The following SRGAP1 variants were observed in gnomAD, a reference collection of about 807,000 sequenced individuals.
SRGAP1 encodes SLIT-ROBO Rho GTPase-activating protein 1.
SRGAP1 carries 43 observed loss-of-function variants against 121.9 expected under a neutral mutation model. The ratio of observed to expected loss-of-function variants is 0.35; its 90% CI spans 0.28 to 0.46. The LOEUF is 0.46. Among genes scored for constraint, SRGAP1 ranks in the 20% least tolerant of loss-of-function variants. The pLI is 1.00. For missense variants in SRGAP1, 1,102 were observed against 1,350.9 expected (o/e 0.82, Z 2.89); for synonymous variants, 447 against 485.4 (o/e 0.92, Z 1.04).
intron 2 of SRGAP1, among the ~76,000 whole-genome samples, chr12:63,989,190 A>AT (rs2033491870): frequency 6.6e-6 from 1 of 152,302 alleles, no homozygotes; most frequent in Admixed American, 6.5e-5. Context: ...ATTCTTTAAG[A>AT]TTTTTAAACA....
At chr12:63,853,106 G>A (rs1431384993) in intron 1 of SRGAP1, among the ~76,000 whole-genome samples, 1 of 151,398 alleles carries the variant, frequency 6.6e-6, no homozygotes, top group Non-Finnish European at 1.5e-5. Context: ...TGCAACCTCC[G>A]TTTCCTGGGT....
rs2037107576 is a variant in SRGAP1, at chr12:64,150,639, G to A, written c.*7967G>A. The A allele has an allele frequency of 1.1e-5, 1 of 87,276 alleles. No individual in the cohort carries two copies. The highest frequency in any genetic ancestry group is 2.9e-5 in the Non-Finnish European group (1 of 34,534). 5.4% of individuals were successfully genotyped at this position (87,276 alleles called of 1,614,324 possible). On this transcript the variant is annotated 3_prime_UTR_variant, in exon 22 of 22. Transcript: ENST00000355086. ...AAGTTTGAGGTTCTGGGCCTTTGAT[G>A]GACTGCATCTATTAAAAACAAAAAG...
chr12:63,907,163 G>A (rs1280303397), intron 1 of SRGAP1, among the ~76,000 whole-genome samples: 1 of 151,990 alleles, frequency 6.6e-6, no homozygotes, highest in Non-Finnish European at 1.5e-5. Flanking sequence ...GATGGTTAAG[G>A]ATGTTTAGCA....
At chr12:63,904,382 C>G (rs1055874449) in intron 1 of SRGAP1, among the ~76,000 whole-genome samples, 1 of 152,186 alleles carries the variant, frequency 6.6e-6, no homozygotes, top group Admixed American at 6.5e-5. Context: ...TTCTCTCTTC[C>G]TGTTCTATTG....
At chr12:64,074,581 C>T (rs2035700534) in intron 8 of SRGAP1, among the ~76,000 whole-genome samples, 1 of 152,056 alleles carries the variant, frequency 6.6e-6, no homozygotes, top group South Asian at 2.1e-4. Context: ...TTTCAGTGAA[C>T]ACCTACTCAC....
chr12:63,897,365 A>T (rs1369220799), intron 1 of SRGAP1, among the ~76,000 whole-genome samples: 1 of 152,246 alleles, frequency 6.6e-6, no homozygotes, highest in Non-Finnish European at 1.5e-5. Context: ...TATGAGAACT[A>T]GAGCAACTAG....
intron 1 of SRGAP1, among the ~76,000 whole-genome samples, chr12:63,920,161 C>A (rs180934966): frequency 1.3e-5 from 2 of 152,188 alleles, no homozygotes; most frequent in African/African-American, 2.4e-5. Context: ...TTTATCAGCA[C>A]GTGGTATTAT....
At chr12:64,136,272 C>T (rs554986429) in intron 21 of SRGAP1, among the ~76,000 whole-genome samples, 8 of 152,180 alleles carry the variant, frequency 5.3e-5, no homozygotes, top group African/African-American at 1.4e-4. Context: ...GAAGCTGAGG[C>T]GAGAGAGTTG....
chr12:63,988,067 C>T (rs2033463938), intron 2 of SRGAP1, among the ~76,000 whole-genome samples: 1 of 152,148 alleles, frequency 6.6e-6, no homozygotes, highest in Admixed American at 6.5e-5. Flanking sequence ...AGGCCATGAG[C>T]TTGACATGGA....
intron 8 of SRGAP1, among the ~76,000 whole-genome samples, chr12:64,071,366 G>A (rs2035633158): frequency 6.6e-6 from 1 of 152,114 alleles, no homozygotes. Context: ...TGAGCATTTT[G>A]GCATCCATGA....
chr12:63,897,159 A>T (rs1349415842), intron 1 of SRGAP1, among the ~76,000 whole-genome samples: 1 of 152,224 alleles, frequency 6.6e-6, no homozygotes, highest in Non-Finnish European at 1.5e-5. Flanking sequence ...TGCAAATGGA[A>T]CCATTGAATG....
chr12:64,124,490 T>C (rs1454554916), intron 18 of SRGAP1, among the ~76,000 whole-genome samples: 1 of 152,268 alleles, frequency 6.6e-6, no homozygotes, highest in Admixed American at 6.5e-5. Flanking sequence ...CATAGGCATA[T>C]TCCTGTAAGT....
intron 1 of SRGAP1, among the ~76,000 whole-genome samples, chr12:63,958,233 A>C (rs928888730): frequency 6.6e-6 from 1 of 152,138 alleles, no homozygotes; most frequent in African/African-American, 2.4e-5. Context: ...TGGCCCTTGC[A>C]TTCCTTCTCA....
chr12:63,899,467 G>A (rs1297818555), intron 1 of SRGAP1, among the ~76,000 whole-genome samples: 6 of 152,116 alleles, frequency 3.9e-5, no homozygotes, highest in Admixed American at 2.0e-4. Flanking sequence ...TTCACCAGTC[G>A]TGCAGCTACT....
intron 6 of SRGAP1, among the ~76,000 whole-genome samples, chr12:64,058,052 T>C (rs914054082): frequency 1.3e-5 from 2 of 152,182 alleles, no homozygotes; most frequent in African/African-American, 4.8e-5. Context: ...ATAAAAGATA[T>C]TCCTTCTGAA....
At chr12:64,116,991 C>T (rs2036533379) in intron 18 of SRGAP1, among the ~76,000 whole-genome samples, 1 of 152,148 alleles carries the variant, frequency 6.6e-6, no homozygotes, top group Non-Finnish European at 1.5e-5. Flanking sequence ...TTTCAGCAGG[C>T]TCTGGGGCAT....
chr12:64,064,483 C>T (rs2035503206), intron 7 of SRGAP1, among the ~76,000 whole-genome samples: 1 of 152,148 alleles, frequency 6.6e-6, no homozygotes, highest in African/African-American at 2.4e-5. Flanking sequence ...TTAGGGAAGC[C>T]ATATTTGAAA....
chr12:64,063,954 A>G (rs908261730), intron 7 of SRGAP1, among the ~76,000 whole-genome samples: 1 of 151,600 alleles, frequency 6.6e-6, no homozygotes, highest in African/African-American at 2.4e-5. Flanking sequence ...TTTTATATAT[A>G]TATACACATA....
intron 15 of SRGAP1, chr12:64,108,666 A>G (rs1210190922): frequency 3.5e-6 from 1 of 289,502 alleles, no homozygotes; most frequent in Non-Finnish European, 6.4e-6. Context: ...AAAGGAAAAA[A>G]TGGTTTTTAA....
Sources: allele counts gnomAD v4.1 joint callset (sites outside exome capture counted in the v4.1 genomes callset), GRCh38; gene constraint gnomAD v4.1.1; transcripts MANE v1.5; gene names NCBI Gene and HGNC (gene_info 2026-07-23, HGNC 2026-07-21).